CYFIP2: variants seen among roughly 807,000 people sequenced by gnomAD.
CYFIP2 encodes the protein cytoplasmic FMR1-interacting protein 2.
In CYFIP2, 29 loss-of-function variants were observed where a neutral mutation model predicts 158.7. The observed-to-expected ratio is 0.18, with a 90% CI of 0.14 to 0.25. The LOEUF (loss-of-function observed/expected upper bound fraction) is 0.25. CYFIP2 is among the 10% of genes least tolerant of loss of function. The pLI, the probability that CYFIP2 is intolerant of heterozygous loss-of-function variation, is 1.00. For missense variants in CYFIP2, 852 were observed against 1,639.5 expected (o/e 0.52, Z 8.29); for synonymous variants, 585 against 617.6 (o/e 0.95, Z 0.78).
chr5:157,326,494 G>A (rs902500611), intron 18 of CYFIP2, among the ~76,000 whole-genome samples: 1 of 152,188 alleles, frequency 6.6e-6, no homozygotes, highest in Non-Finnish European at 1.5e-5. Flanking sequence ...CAAACTCTGT[G>A]CTGCACCATG....
intron 1 of CYFIP2, among the ~76,000 whole-genome samples, chr5:157,267,528 C>G (rs1206196697): frequency 6.6e-6 from 1 of 152,218 alleles, no homozygotes; most frequent in African/African-American, 2.4e-5. Context: ...CTGTGGCCCT[C>G]CTGGTGGCCT....
chr5:157,267,546 C>G (rs1283659042), intron 1 of CYFIP2, among the ~76,000 whole-genome samples: 1 of 152,244 alleles, frequency 6.6e-6, no homozygotes, highest in East Asian at 1.9e-4. Context: ...CCTCCCACCT[C>G]CACTTCCATA....
intron 26 of CYFIP2, among the ~76,000 whole-genome samples, chr5:157,369,283 T>C (rs1195335947): frequency 6.6e-6 from 1 of 152,158 alleles, no homozygotes; most frequent in Admixed American, 6.5e-5. Flanking sequence ...AGTTAAAGTT[T>C]TGTTCAGAAT....
intron 1 of CYFIP2, among the ~76,000 whole-genome samples, chr5:157,281,039 C>T: frequency 6.6e-6 from 1 of 152,186 alleles, no homozygotes; most frequent in East Asian, 1.9e-4. Flanking sequence ...TTCCTCCCAT[C>T]TCTCTTTTCT....
chr5:157,341,537 C>T (rs1581099930), intron 23 of CYFIP2: 3 of 183,916 alleles, frequency 1.6e-5, no homozygotes, highest in Non-Finnish European at 3.4e-5. Flanking sequence ...GCTGACAGGG[C>T]GAGACTCTTA....
In CYFIP2 at chr5:157,333,457, G is replaced by A; in HGVS notation, c.2385+11G>A. The stretch of plus-strand genomic sequence containing the variant: ...CTGACCTCCATTGTGGTAAGAGTCT[G>A]GGAGCGTGTGGGATTTCTGCTCTGT... On this transcript the variant is annotated intron_variant, in intron 21 of 30. Coordinates refer to ENST00000620254, the MANE Select transcript of CYFIP2 (RefSeq NM_001037333.3). 6.2e-7 allele frequency: 1 copy of A among 1,613,950 alleles called. No individual in the cohort carries two copies. The highest frequency in any genetic ancestry group is 8.5e-7 in the Non-Finnish European group (1 of 1,179,860).
intron 13 of CYFIP2, among the ~76,000 whole-genome samples, chr5:157,319,122 G>A (rs1362492433): frequency 1.3e-5 from 2 of 152,102 alleles, no homozygotes; most frequent in Non-Finnish European, 2.9e-5. Context: ...CCAAAAGAGC[G>A]AGCCAAGGTC....
intron 23 of CYFIP2, among the ~76,000 whole-genome samples, chr5:157,348,957 A>AC (rs1762882029): frequency 6.6e-6 from 1 of 151,118 alleles, no homozygotes; most frequent in Non-Finnish European, 1.5e-5. Context: ...CTCAAAAAAA[A>AC]AAAAAAAGCA....
In CYFIP2 at chr5:157,389,706, T is replaced by A. The variant is rs1048828245; in HGVS notation, c.3446+279T>A. On this transcript the variant is annotated intron_variant, in intron 29 of 30. Coordinates refer to ENST00000620254, the MANE Select transcript of CYFIP2 (RefSeq NM_001037333.3). The stretch of plus-strand genomic sequence containing the variant: ...TAGAGCAGACAGCAGAGCTAGTTCT[T>A]CCTGCCCTCACCCAGCTACATGTCT... 16 of 299,348 alleles carry A rather than the reference T, an allele frequency of 5.3e-5. No individual in the cohort carries two copies. In the South Asian group the frequency reaches 1.1e-3, roughly 20 times the overall value. The allele number at this position is 299,348 out of a possible 1,614,324, so 18.5% of individuals were successfully genotyped here.
In CYFIP2 at chr5:157,311,362, G is replaced by C; in HGVS notation, c.993-302G>C. 2.3e-6 allele frequency: 1 copy of C among 431,114 alleles called. No homozygotes were observed. Among genetic ancestry groups the C allele is most frequent in the Non-Finnish European group, 4.3e-6 (1 of 230,632 alleles). 26.7% of individuals were successfully genotyped at this position (431,114 alleles called of 1,614,324 possible). ...GATTCCATCCCTTTGTAGTCCTAGA[G>C]AGGCTGTGTTCCCGCCCCTCTCATA... On this transcript the variant is annotated intron_variant, in intron 10 of 30. Coordinates refer to ENST00000620254, the MANE Select transcript of CYFIP2 (RefSeq NM_001037333.3). This position sits in a 1 kb window ranked among gnomAD's most constrained non-coding sequence, Gnocchi z 4.7.
chr5:157,298,047 C>T (rs933618907), intron 5 of CYFIP2, among the ~76,000 whole-genome samples: 2 of 152,200 alleles, frequency 1.3e-5, no homozygotes, highest in Admixed American at 1.3e-4. Flanking sequence ...CTGGTTGGGC[C>T]TCTCAGGCCC....
Position 157,326,285 on chromosome 5 carries a change from C to G in CYFIP2, c.2079+18C>G. ...AAGCTGAGGCAAGTGATGTGCTTCT[C>G]TTTTTGCTCCTTTAATCTTGTTCCA... On this transcript the variant is annotated intron_variant, in intron 18 of 30. Coordinates refer to ENST00000620254, the MANE Select transcript of CYFIP2 (RefSeq NM_001037333.3). The G allele has an allele frequency of 1.3e-6, 2 of 1,586,060 alleles. No homozygotes were observed. The highest frequency in any genetic ancestry group is 1.7e-6 in the Non-Finnish European group (2 of 1,154,476).
At position 157,333,317 on chromosome 5, in the gene CYFIP2, C is replaced by T. The variant is rs1395455932; in HGVS notation, c.2266-10C>T. On this transcript the variant is annotated splice_polypyrimidine_tract_variant and intron_variant, in intron 20 of 30. Coordinates refer to ENST00000620254, the MANE Select transcript of CYFIP2 (RefSeq NM_001037333.3). ...TTTTAAGTAACTTTTCTCTCTCTCT[C>T]TTCATCCAGCTGTTGGGTAGATCAA... 1 of 1,613,838 alleles carries T rather than the reference C, an allele frequency of 6.2e-7. No homozygotes were observed. Among genetic ancestry groups the T allele is most frequent in the Admixed American group, 1.7e-5 (1 of 60,010 alleles).
intron 11 of CYFIP2, 82 bp from the exon 12 acceptor site, chr5:157,314,262 A>G: frequency 1.3e-6 from 2 of 1,527,044 alleles, no homozygotes; most frequent in East Asian, 2.3e-5. Flanking sequence ...ACTTCCCTGC[A>G]GTGTTCTTGG....
chr5:157,287,423 G>C (rs1757484532), intron 3 of CYFIP2, among the ~76,000 whole-genome samples: 1 of 152,182 alleles, frequency 6.6e-6, no homozygotes, highest in African/African-American at 2.4e-5. Context: ...CTTGTTTATA[G>C]GTTAATGAAT....
chr5:157,307,828 A>G lies in CYFIP2; in HGVS notation c.863A>G (p.Lys288Arg). 2 of 1,610,554 alleles carry G rather than the reference A, an allele frequency of 1.2e-6. No homozygotes were observed. Among genetic ancestry groups the G allele is most frequent in the Non-Finnish European group, 1.7e-6 (2 of 1,178,010 alleles). Residue 288 changes from lysine (K) to arginine (R), a missense_variant, in exon 9 of 31, where the codon AAG becomes AGG. Transcript: ENST00000620254. ...VSNIYKLDAK[K>R]RINLSKIDKF... ...AACATTTACAAACTGGATGCCAAGA[A>G]GAGAATTAATCTTAGCAAAATTGAT...
chr5:157,384,837 G>C (rs1292651325), intron 28 of CYFIP2: 2 of 267,964 alleles, frequency 7.5e-6, no homozygotes, highest in African/African-American at 4.4e-5. Context: ...CTACTTGGGA[G>C]GCTGAGGCAG....
chr5:157,378,865 A>C (rs958838649), intron 26 of CYFIP2, among the ~76,000 whole-genome samples: 35 of 152,246 alleles, frequency 2.3e-4, no homozygotes, highest in African/African-American at 6.5e-4. Context: ...AGAGACTTGG[A>C]GACCATTTAA....
intron 23 of CYFIP2, chr5:157,343,478 G>A (rs748669024): frequency 1.7e-5 from 28 of 1,605,862 alleles, no homozygotes; most frequent in Admixed American, 3.3e-5. Flanking sequence ...GCAGGGCTCC[G>A]AGGACGACCA....
Sources: gnomAD v4.1 joint callset for allele counts (sites outside exome capture counted in the v4.1 genomes callset) on GRCh38, gnomAD v4.1.1 for gene constraint, Gnocchi (gnomAD v3.1) non-coding constraint, MANE v1.5 for transcripts, NCBI Gene and HGNC (gene_info 2026-07-23, HGNC 2026-07-21) for gene names.